CTNNA3: variants seen among roughly 807,000 people sequenced by gnomAD.
The protein encoded by CTNNA3 is catenin alpha 3.
In CTNNA3, 76 loss-of-function variants were observed where a neutral mutation model predicts 95.7. The observed-to-expected ratio is 0.79, with a 90% CI of 0.66 to 0.96. CTNNA3 has a LOEUF of 0.96. CTNNA3 is among the 40% of genes least tolerant of loss of function. CTNNA3 has a pLI of 0.00. For synonymous variants in CTNNA3, 431 were observed against 374.4 expected (o/e 1.15, Z -1.74); for missense variants, 1,191 against 1,089.8 (o/e 1.09, Z -1.31).
chr10:66,326,227 T>C (rs923728535), intron 12 of CTNNA3, among the ~76,000 whole-genome samples: 3 of 152,090 alleles, frequency 2.0e-5, no homozygotes, highest in African/African-American at 7.2e-5. Context: ...ACAGCAGGAA[T>C]GGGTAAAGTG....
chr10:65,945,813 C>T (rs575157064), intron 17 of CTNNA3, among the ~76,000 whole-genome samples: 1 of 152,146 alleles, frequency 6.6e-6, no homozygotes, highest in African/African-American at 2.4e-5. Flanking sequence ...GATGTAAAAC[C>T]ACTTCTGGTC....
intron 6 of CTNNA3, among the ~76,000 whole-genome samples, chr10:67,217,953 A>T (rs1356959887): frequency 6.6e-6 from 1 of 152,054 alleles, no homozygotes; most frequent in Non-Finnish European, 1.5e-5. Flanking sequence ...TGCAGTCAAA[A>T]CATCATTTCA....
chr10:66,157,950 T>C (rs1237479336), intron 13 of CTNNA3, among the ~76,000 whole-genome samples: 4 of 152,044 alleles, frequency 2.6e-5, no homozygotes, highest in African/African-American at 7.2e-5. Context: ...TGTTGGCCAT[T>C]TGTATATCTT....
intron 5 of CTNNA3, among the ~76,000 whole-genome samples, chr10:67,255,345 C>T (rs2132372334): frequency 6.6e-6 from 1 of 151,870 alleles, no homozygotes; most frequent in East Asian, 1.9e-4. Flanking sequence ...TAAAAAACTA[C>T]AATAATTTCT....
intron 11 of CTNNA3, among the ~76,000 whole-genome samples, chr10:66,507,612 C>T (rs571017188): frequency 2.0e-5 from 3 of 152,146 alleles, no homozygotes; most frequent in African/African-American, 2.4e-5. Flanking sequence ...TATCTTTCCA[C>T]GTCTGACTTA....
At chr10:66,473,719 A>T (rs932538852) in intron 11 of CTNNA3, among the ~76,000 whole-genome samples, 5 of 151,660 alleles carry the variant, frequency 3.3e-5, no homozygotes, top group Non-Finnish European at 5.9e-5. Context: ...CCTGTGTCCA[A>T]GTGTTCTCAT....
At chr10:67,242,635 G>A (rs539040336) in intron 5 of CTNNA3, among the ~76,000 whole-genome samples, 1 of 152,210 alleles carries the variant, frequency 6.6e-6, no homozygotes, top group Non-Finnish European at 1.5e-5. Context: ...AGATGTTTCT[G>A]TGAGCCTTAT....
Position 66,818,954 on chromosome 10 carries a change from G to T in CTNNA3, c.1048-43430C>A, listed in dbSNP as rs542215382. 5.9e-5 allele frequency among the ~76,000 whole-genome samples: 9 copies of T among 152,126 alleles called. No homozygotes were observed. In the East Asian group the frequency reaches 1.2e-3, roughly 20 times the overall value. On this transcript the variant is annotated intron_variant, in intron 7 of 17. Transcript: ENST00000433211. ...AAAACACAAAAATTAGCAGGGCATG[G>T]TAGTGCGTGCCTGTAATCCCAGCTA...
intron 10 of CTNNA3, among the ~76,000 whole-genome samples, chr10:66,570,703 T>A (rs1842845363): frequency 6.6e-6 from 1 of 151,268 alleles, no homozygotes. Context: ...AAAAAAAAAA[T>A]TAAAAAATAA....
chr10:67,195,655 C>A (rs1235238858), intron 6 of CTNNA3, among the ~76,000 whole-genome samples: 1 of 151,984 alleles, frequency 6.6e-6, no homozygotes, highest in Non-Finnish European at 1.5e-5. Flanking sequence ...CTCCAATATA[C>A]CATACAGATG....
intron 7 of CTNNA3, among the ~76,000 whole-genome samples, chr10:66,946,529 C>T (rs1848284264): frequency 1.3e-5 from 2 of 152,128 alleles, no homozygotes; most frequent in Admixed American, 1.3e-4. Context: ...AAAGCCCCCT[C>T]TAGTTCTTCC....
intron 3 of CTNNA3, among the ~76,000 whole-genome samples, chr10:67,601,527 C>A (rs1408208191): frequency 6.6e-6 from 1 of 152,110 alleles, no homozygotes; most frequent in Non-Finnish European, 1.5e-5. Context: ...TGGACCAGTA[C>A]CGGTCCACGA....
chr10:66,338,966 G>C (rs912628662), intron 12 of CTNNA3, among the ~76,000 whole-genome samples: 1 of 151,832 alleles, frequency 6.6e-6, no homozygotes, highest in Non-Finnish European at 1.5e-5. Flanking sequence ...AAGAAAAATA[G>C]TGAAGTAAAT....
intron 7 of CTNNA3, among the ~76,000 whole-genome samples, chr10:66,793,943 T>C (rs1172228984): frequency 6.6e-6 from 1 of 152,168 alleles, no homozygotes; most frequent in Non-Finnish European, 1.5e-5. Context: ...TAGTCACAAA[T>C]ATAGCAATAC....
chr10:67,620,921 G>GTATA (rs1272442858), intron 2 of CTNNA3, among the ~76,000 whole-genome samples: 51 of 94,852 alleles, frequency 5.4e-4, no homozygotes, highest in African/African-American at 1.1e-3. Flanking sequence ...GTGTGTGTGT[G>GTATA]TGTATATATA....
intron 5 of CTNNA3, among the ~76,000 whole-genome samples, chr10:67,343,850 C>T (rs1158410315): frequency 6.6e-6 from 1 of 150,830 alleles, no homozygotes; most frequent in Non-Finnish European, 1.5e-5. Context: ...GAAAGGCTTT[C>T]AATTTTTTCT....
intron 11 of CTNNA3, among the ~76,000 whole-genome samples, chr10:66,420,784 G>A (rs1051649465): frequency 7.1e-6 from 1 of 139,884 alleles, no homozygotes; most frequent in Non-Finnish European, 1.6e-5. Flanking sequence ...GGGTGACACA[G>A]CAAGACTCTG....
At position 67,744,489 on chromosome 10, in the gene CTNNA3, T is replaced by C. The variant is rs557977367; in HGVS notation, c.-2+18945A>G. On this transcript the variant is annotated intron_variant, in intron 1 of 17. Coordinates refer to the CTNNA3 transcript ENST00000684154. ...AACTGGATCCCTTCCTTACACCTTATACAAAAATCAATTCAAGATGGATTA... is the reference window on the plus strand; with the variant it reads ...AACTGGATCCCTTCCTTACACCTTACACAAAAATCAATTCAAGATGGATTA... Among the ~76,000 whole-genome samples the C allele has an allele frequency of 2.0e-5, 3 of 151,352 alleles. No individual in the cohort carries two copies. The South Asian group carries it at 6.4e-4, about 32-fold the overall frequency.
chr10:66,723,395 C>A (rs1225844139), intron 9 of CTNNA3, among the ~76,000 whole-genome samples: 1 of 151,102 alleles, frequency 6.6e-6, no homozygotes, highest in Admixed American at 6.6e-5. Flanking sequence ...GAAGCAATAG[C>A]ACTACAGTTA....
Sources: allele counts gnomAD v4.1 joint callset (sites outside exome capture counted in the v4.1 genomes callset), GRCh38; gene constraint gnomAD v4.1.1; transcripts MANE v1.5; gene names NCBI Gene and HGNC (gene_info 2026-07-23, HGNC 2026-07-21).